The following EXOC4 variants were observed in gnomAD, a reference collection of about 807,000 sequenced individuals.
EXOC4 encodes SEC8-like 1.
A neutral mutation model predicts 107.2 loss-of-function variants in EXOC4; 71 were observed. The observed-to-expected ratio is 0.66, with a 90% CI of 0.55 to 0.81. The LOEUF (loss-of-function observed/expected upper bound fraction) is 0.81, where lower values mean the gene tolerates loss of function less well. Ranked by LOEUF, EXOC4 falls within the 30% of genes least tolerant of loss-of-function variation. EXOC4 has a pLI of 0.00. For synonymous variants in EXOC4, 456 were observed against 441.2 expected, an observed-to-expected ratio of 1.03 and a Z score of -0.42; for missense variants, 1,108 against 1,189.6, an observed-to-expected ratio of 0.93 and a Z score of 1.01.
At chr7:133,358,534 T>C (rs1407411804) in intron 6 of EXOC4, among the ~76,000 whole-genome samples, 1 of 152,198 alleles carries the variant, frequency 6.6e-6, no homozygotes, top group Non-Finnish European at 1.5e-5. Context: ...ACTTTTGCCT[T>C]TCTTCTTTCT....
At chr7:133,273,699 C>T (rs188166587) in intron 1 of EXOC4, among the ~76,000 whole-genome samples, 1 of 152,090 alleles carries the variant, frequency 6.6e-6, no homozygotes, top group East Asian at 1.9e-4. Context: ...GAATTAAGAT[C>T]CTTTGCTCTA....
chr7:133,685,737 A>T (rs1794283469), intron 10 of EXOC4, among the ~76,000 whole-genome samples: 1 of 152,212 alleles, frequency 6.6e-6, no homozygotes, highest in Non-Finnish European at 1.5e-5. Context: ...TTAAATATTT[A>T]AAAATTTCTA....
At chr7:133,949,131 C>T (rs184866328) in intron 14 of EXOC4, among the ~76,000 whole-genome samples, 1 of 152,152 alleles carries the variant, frequency 6.6e-6, no homozygotes. Flanking sequence ...CCTCTTACCC[C>T]CAAAGGACCT....
At position 133,915,947 on chromosome 7, in the gene EXOC4, A is replaced by G. The variant is rs950911557; in HGVS notation, c.1872-1636A>G. ...CCCATGCAAGTGTGCCTTGAGCTCAAAACTTTAGAAGAATAAGAGAGCAAA... is the reference window on the plus strand; with the variant it reads ...CCCATGCAAGTGTGCCTTGAGCTCAGAACTTTAGAAGAATAAGAGAGCAAA... On this transcript the variant is annotated intron_variant, in intron 12 of 17. Coordinates refer to ENST00000253861, the MANE Select transcript of EXOC4 (RefSeq NM_021807.4). 8.5e-5 allele frequency among the ~76,000 whole-genome samples: 13 copies of G among 152,114 alleles called. 1 individual carries two copies. The highest frequency in any genetic ancestry group is 6.5e-4 in the Admixed American group (10 of 15,278).
intron 10 of EXOC4, 85 bp from the exon 11 acceptor site, chr7:133,817,240 C>G: frequency 1.1e-6 from 1 of 891,832 alleles, no homozygotes; most frequent in Non-Finnish European, 1.8e-6. Flanking sequence ...AAATAGCCAA[C>G]ACTAGATATA....
chr7:133,367,322 G>T (rs959333440), intron 6 of EXOC4, among the ~76,000 whole-genome samples: 1 of 152,170 alleles, frequency 6.6e-6, no homozygotes, highest in African/African-American at 2.4e-5. Context: ...TGGAGAGGTG[G>T]CAGGAAAGCA....
intron 9 of EXOC4, among the ~76,000 whole-genome samples, chr7:133,590,434 C>T (rs1439513621): frequency 6.6e-6 from 1 of 152,110 alleles, no homozygotes; most frequent in Non-Finnish European, 1.5e-5. Flanking sequence ...AGGCTCCACC[C>T]TCAAGCCTGA....
chr7:133,720,748 A>T (rs1795090388), intron 10 of EXOC4, among the ~76,000 whole-genome samples: 1 of 152,194 alleles, frequency 6.6e-6, no homozygotes, highest in Non-Finnish European at 1.5e-5. Flanking sequence ...TCCATGGTAG[A>T]TAAAGAGAAG....
chr7:133,814,771 G>A (rs1306276494), intron 10 of EXOC4, among the ~76,000 whole-genome samples: 3 of 152,086 alleles, frequency 2.0e-5, no homozygotes, highest in African/African-American at 7.2e-5. Flanking sequence ...TTTTTCTTAT[G>A]AATGAAAAAT....
Position 133,736,033 on chromosome 7 carries a change from G to A in EXOC4, c.1515-81292G>A, listed in dbSNP as rs1795437145. On this transcript the variant is annotated intron_variant, in intron 10 of 17. Coordinates refer to ENST00000253861, the MANE Select transcript of EXOC4 (RefSeq NM_021807.4). ...GAGCCAGGGTGGCGGAGATTGCAGT[G>A]AGCCTGCATCGCACGACTACACTCC... Among the ~76,000 whole-genome samples the A allele has an allele frequency of 2.0e-5, 3 of 151,998 alleles. No homozygotes were observed. In the East Asian group the frequency reaches 5.8e-4, roughly 29 times the overall value.
At chr7:133,927,135 TAA>T (rs141235054) in intron 13 of EXOC4, among the ~76,000 whole-genome samples, 135 of 142,320 alleles carry the variant, frequency 9.5e-4, no homozygotes, top group Admixed American at 1.1e-3. Context: ...AAATAAAATG[TAA>T]AAAAAAAAAA....
chr7:133,680,590 C>G (rs912933296), intron 10 of EXOC4, among the ~76,000 whole-genome samples: 23 of 152,152 alleles, frequency 1.5e-4, no homozygotes, highest in African/African-American at 5.3e-4. Flanking sequence ...CTCTCCACCC[C>G]CATCTTGTAA....
intron 10 of EXOC4, among the ~76,000 whole-genome samples, chr7:133,634,836 G>A (rs576457316): frequency 1.3e-4 from 20 of 152,212 alleles, no homozygotes; most frequent in African/African-American, 3.6e-4. Flanking sequence ...GAACAAAACC[G>A]TATTAAAACA....
chr7:133,425,757 C>T (rs961538753), intron 7 of EXOC4, among the ~76,000 whole-genome samples: 2 of 152,150 alleles, frequency 1.3e-5, no homozygotes, highest in South Asian at 4.1e-4. Flanking sequence ...CTGAAGGCTT[C>T]CTCTGCAAAT....
chr7:133,380,239 A>AAAAATAAAATAAAAT (rs10688501), intron 7 of EXOC4, among the ~76,000 whole-genome samples: 60 of 137,804 alleles, frequency 4.4e-4, no homozygotes, highest in South Asian at 9.8e-4. Flanking sequence ...AAAGTATAAT[A>AAAAATAAAATAAAAT]AAAATAAAAT....
At chr7:133,551,363 AT>A (rs560148272) in intron 9 of EXOC4, among the ~76,000 whole-genome samples, 17 of 150,056 alleles carry the variant, frequency 1.1e-4, no homozygotes, top group African/African-American at 2.4e-4. Flanking sequence ...TTGTCATTTG[AT>A]TTTTTTTTTA....
intron 4 of EXOC4, among the ~76,000 whole-genome samples, chr7:133,311,501 A>G (rs1794870737): frequency 6.6e-6 from 1 of 152,146 alleles, no homozygotes; most frequent in Non-Finnish European, 1.5e-5. Context: ...TTTGAAGAAA[A>G]TAAATTTAGG....
chr7:133,375,427 T>C (rs1313080796), intron 7 of EXOC4, among the ~76,000 whole-genome samples: 1 of 151,940 alleles, frequency 6.6e-6, no homozygotes, highest in Non-Finnish European at 1.5e-5. Flanking sequence ...AGTGAGCCAT[T>C]GTACCACTGC....
intron 9 of EXOC4, among the ~76,000 whole-genome samples, chr7:133,534,732 CT>C (rs1161769139): frequency 2.0e-5 from 3 of 152,110 alleles, no homozygotes; most frequent in Non-Finnish European, 2.9e-5. Flanking sequence ...TTGAAGATGA[CT>C]TTTTTTGTGA....
Sources: allele counts gnomAD v4.1 joint callset (sites outside exome capture counted in the v4.1 genomes callset), GRCh38; gene constraint gnomAD v4.1.1; transcripts MANE v1.5; gene names NCBI Gene and HGNC (gene_info 2026-07-23, HGNC 2026-07-21).